The following DOCK5 variants were observed in gnomAD, a reference collection of about 807,000 sequenced individuals.
The protein encoded by DOCK5 is dedicator of cytokinesis 5.
DOCK5 carries 142 observed loss-of-function variants against 251.8 expected under a neutral mutation model. That is an observed-to-expected ratio of 0.56 (90% confidence interval 0.49 to 0.65). The LOEUF is 0.65. Ranked by LOEUF, DOCK5 falls within the 30% of genes least tolerant of loss-of-function variation. DOCK5 has a pLI of 0.00. For synonymous variants in DOCK5, 842 were observed against 835.5 expected, an observed-to-expected ratio of 1.01 and a Z score of -0.13; for missense variants, 2,111 against 2,312.3, an observed-to-expected ratio of 0.91 and a Z score of 1.79.
chr8:25,337,117 A>G (rs148081588), intron 22 of DOCK5, among the ~76,000 whole-genome samples: 148 of 152,318 alleles, frequency 9.7e-4, no homozygotes, highest in Non-Finnish European at 1.4e-3. Flanking sequence ...AAATCAATAA[A>G]AGAATGATAA....
intron 28 of DOCK5, 75 bp downstream of exon 28, chr8:25,359,136 A>G: frequency 7.6e-7 from 1 of 1,314,946 alleles, no homozygotes; most frequent in South Asian, 1.2e-5. Context: ...GAAGCTGAGC[A>G]TCGTGAGTCC....
rs766289516 is a variant in DOCK5, at chr8:25,366,863, T to C, written c.3124-7T>C. 11 of 1,611,824 alleles carry C rather than the reference T, an allele frequency of 6.8e-6. No individual in the cohort carries two copies. Among genetic ancestry groups the C allele is most frequent in the African/African-American group, 4.0e-5 (3 of 74,886 alleles). Reference sequence around the variant, plus strand: ...TTCCCTTTACCCACACAATTAATTTTGAACAGCTCTGGAACAATTACTTCC... The same window carrying C: ...TTCCCTTTACCCACACAATTAATTTCGAACAGCTCTGGAACAATTACTTCC... On this transcript the variant is annotated splice_polypyrimidine_tract_variant and splice_region_variant and intron_variant, in intron 30 of 51. Transcript: ENST00000276440.
intron 6 of DOCK5, among the ~76,000 whole-genome samples, chr8:25,295,277 A>T (rs998360561): frequency 6.9e-6 from 1 of 145,462 alleles, no homozygotes; most frequent in African/African-American, 2.5e-5. Context: ...CATCTCTACA[A>T]TTTTTTTTTT....
intron 1 of DOCK5, among the ~76,000 whole-genome samples, chr8:25,229,086 A>AT (rs36071427): frequency 2.0e-5 from 3 of 151,610 alleles, no homozygotes; most frequent in African/African-American, 7.3e-5. Flanking sequence ...AAAAAAAAAA[A>AT]TTGTGATGCA....
intron 22 of DOCK5, among the ~76,000 whole-genome samples, chr8:25,340,100 C>G (rs1378596837): frequency 6.6e-6 from 1 of 152,086 alleles, no homozygotes; most frequent in African/African-American, 2.4e-5. Context: ...ATGCTGTTTG[C>G]TGACATTTGT....
chr8:25,226,032 G>A (rs1802521538), intron 1 of DOCK5, among the ~76,000 whole-genome samples: 1 of 152,108 alleles, frequency 6.6e-6, no homozygotes, highest in Admixed American at 6.5e-5. Flanking sequence ...TTAAGATGGT[G>A]AATGTTATGC....
intron 10 of DOCK5, among the ~76,000 whole-genome samples, chr8:25,303,704 G>A (rs1274101384): frequency 2.0e-5 from 3 of 152,140 alleles, no homozygotes; most frequent in African/African-American, 7.2e-5. Context: ...GCTCATCCCT[G>A]TAATCCCAGC....
At chr8:25,207,266 G>A (rs1256260294) in intron 1 of DOCK5, among the ~76,000 whole-genome samples, 3 of 152,202 alleles carry the variant, frequency 2.0e-5, no homozygotes, top group Admixed American at 6.5e-5. Context: ...GCAAGGTGAG[G>A]CAGCAAGTGC....
chr8:25,372,099 C>T (rs1161634052), intron 34 of DOCK5, among the ~76,000 whole-genome samples: 1 of 152,200 alleles, frequency 6.6e-6, no homozygotes, highest in East Asian at 1.9e-4. Flanking sequence ...CCATACGAGG[C>T]ATTCCAGAAT....
intron 48 of DOCK5, among the ~76,000 whole-genome samples, chr8:25,404,369 C>T (rs1801489314): frequency 6.6e-6 from 1 of 152,140 alleles, no homozygotes; most frequent in South Asian, 2.1e-4. Flanking sequence ...ATGTATGTGG[C>T]ATGATACAGA....
At chr8:25,303,191 C>G (rs1029633470) in intron 10 of DOCK5, among the ~76,000 whole-genome samples, 1 of 152,170 alleles carries the variant, frequency 6.6e-6, no homozygotes, top group South Asian at 2.1e-4. Flanking sequence ...GTATCAGACA[C>G]GCAGCATTTA....
chr8:25,197,806 T>A (rs1801772962), intron 1 of DOCK5, among the ~76,000 whole-genome samples: 1 of 141,596 alleles, frequency 7.1e-6, no homozygotes, highest in Non-Finnish European at 1.5e-5. Context: ...GCTGGAGTGC[T>A]GTGGCGCAAT....
intron 22 of DOCK5, among the ~76,000 whole-genome samples, chr8:25,338,711 A>C (rs1287132453): frequency 1.3e-5 from 2 of 152,210 alleles, no homozygotes; most frequent in Non-Finnish European, 2.9e-5. Context: ...TGGTTGGGGC[A>C]TGGAGTGTTC....
intron 1 of DOCK5, among the ~76,000 whole-genome samples, chr8:25,210,010 A>T (rs190993563): frequency 0.018 from 405 of 23,044 alleles, 97 homozygotes; most frequent in African/African-American, 0.038. Flanking sequence ...CCGGCTAATT[A>T]TATATATATA....
Position 25,368,560 on chromosome 8 carries a change from T to C in DOCK5, c.3284-11T>C, listed in dbSNP as rs755365250. 3.8e-6 allele frequency: 6 copies of C among 1,582,424 alleles called. No homozygotes were observed. The East Asian group carries it at 6.7e-5, about 18-fold the overall frequency. ...ATAATTTTTTAATATCTTCATTCAC[T>C]TTCATTTCAGGTCCCCACAAAATCA... On this transcript the variant is annotated splice_polypyrimidine_tract_variant and intron_variant, in intron 32 of 51. Transcript: ENST00000276440.
chr8:25,261,220 T>G (rs959614148), intron 2 of DOCK5, among the ~76,000 whole-genome samples: 1 of 152,208 alleles, frequency 6.6e-6, no homozygotes, highest in Non-Finnish European at 1.5e-5. Context: ...TTTACATATA[T>G]ATTTTTTTCT....
intron 24 of DOCK5, 74 bp downstream of exon 24, chr8:25,341,883 G>C: frequency 8.7e-7 from 1 of 1,147,354 alleles, no homozygotes; most frequent in Non-Finnish European, 1.2e-6. Context: ...AGCCTGGGCT[G>C]CTACACCTGG....
chr8:25,235,201 C>T (rs1802765180), intron 1 of DOCK5, among the ~76,000 whole-genome samples: 2 of 152,264 alleles, frequency 1.3e-5, no homozygotes, highest in African/African-American at 4.8e-5. Flanking sequence ...TATGATTATA[C>T]ACCATAGACT....
At chr8:25,348,057 C>A (rs200958477) in intron 26 of DOCK5, among the ~76,000 whole-genome samples, 2 of 152,158 alleles carry the variant, frequency 1.3e-5, no homozygotes, top group African/African-American at 2.4e-5. Context: ...TAAGTCCAAT[C>A]GTTTTTTGTC....
Sources: gnomAD v4.1 joint callset for allele counts (sites outside exome capture counted in the v4.1 genomes callset) on GRCh38, gnomAD v4.1.1 for gene constraint, MANE v1.5 for transcripts, NCBI Gene and HGNC (gene_info 2026-07-23, HGNC 2026-07-21) for gene names.